Variants in TAF9B observed in about 807,000 individuals in gnomAD.
TAF9B encodes the protein transcription initiation factor TFIID subunit 9B.
A neutral mutation model predicts 17.6 loss-of-function variants in TAF9B; 47 were observed. The observed-to-expected ratio is 2.68, with a 90% confidence interval of 2.12 to 3.41. The LOEUF (loss-of-function observed/expected upper bound fraction) is 3.41. Ranked by LOEUF, TAF9B falls within the 30% of genes most tolerant of loss-of-function variation. The pLI is 0.00. For missense variants in TAF9B, 218 were observed against 189.3 expected (o/e 1.15, Z -0.89); for synonymous variants, 84 against 68.7 (o/e 1.22, Z -1.10).
intron 5 of TAF9B, among the ~76,000 whole-genome samples, chrX:78,134,991 C>T (rs1260802309): frequency 2.0e-5 from 2 of 101,803 alleles, no homozygotes; most frequent in Non-Finnish European, 4.0e-5. Flanking sequence ...CTTACTCTGT[C>T]GTCCAAGCTG....
chrX:78,136,483 A>G (rs969987344), intron 5 of TAF9B, among the ~76,000 whole-genome samples: 2 of 112,183 alleles, frequency 1.8e-5, no homozygotes, highest in Admixed American at 9.4e-5. Context: ...ATTAAAAACA[A>G]TTTTTTTCTT....
rs2078444163 is a variant in TAF9B, at chrX:78,138,710, G to A, written c.133+133C>T. On this transcript the variant is annotated intron_variant, in intron 2 of 6. Transcript: ENST00000341864. ...GCGGAGGCCGCAGTGAGCCAAGATC[G>A]CGCCACTGCCTTCTAGCCTGGGCAA... The A allele has an allele frequency of 1.3e-5, 7 of 523,836 alleles. 1 individual carries two copies. The highest frequency in any genetic ancestry group is 1.1e-4 in the South Asian group (4 of 36,996). The allele number at this position is 523,836 out of a possible 1,213,427, so 43.2% of individuals were successfully genotyped here.
intron 4 of TAF9B, 21 bp from the exon 5 acceptor site, chrX:78,137,011 A>ATT (rs2078436768): frequency 9.1e-7 from 1 of 1,100,787 alleles, no homozygotes; most frequent in African/African-American, 1.8e-5. Context: ...TAAAAAACAA[A>ATT]TTAATGTTAA....
Position 78,138,006 on chromosome X carries a change from G to A in TAF9B, c.226C>T (p.Gln76Ter). The A allele has an allele frequency of 1.7e-6, 2 of 1,210,147 alleles. No homozygotes were observed. The highest frequency in any genetic ancestry group is 1.8e-5 in the South Asian group (1 of 56,592). The change falls in exon 3 of 7, where the codon CAG (glutamine) becomes TAG (stop). Residue 76 changes from glutamine to a stop codon, truncating the protein, a stop_gained. Coordinates refer to ENST00000341864, the MANE Select transcript of TAF9B (RefSeq NM_015975.5). LOFTEE classifies it high-confidence loss of function. ...GTAAAAGATTGGTCAGCACGACACTGGATTGCCAGTCTCACATCATCTGCA... is the reference window on the plus strand; with the variant it reads ...GTAAAAGATTGGTCAGCACGACACTAGATTGCCAGTCTCACATCATCTGCA... ...VDADDVRLAI[Q>*]CRADQSFTSP...
intron 5 of TAF9B, among the ~76,000 whole-genome samples, chrX:78,136,521 T>C (rs1475522684): frequency 8.9e-6 from 1 of 112,374 alleles, no homozygotes; most frequent in Non-Finnish European, 1.9e-5. Flanking sequence ...TTGTACACCT[T>C]AATCTTCTTT....
intron 6 of TAF9B, 69 bp from the exon 7 acceptor site, chrX:78,131,842 A>C: frequency 2.0e-6 from 2 of 1,000,064 alleles, no homozygotes; most frequent in South Asian, 4.7e-5. Flanking sequence ...ACATATGATA[A>C]AAAGTATACA....
In TAF9B at chrX:78,138,089, G is replaced by T; in HGVS notation, c.143C>A (p.Thr48Asn). The change falls in exon 3 of 7, where the codon ACT (threonine) becomes AAT (asparagine). Residue 48 changes from threonine (T) to asparagine (N), a missense_variant. Thr to Asn is a moderately conservative substitution (Grantham distance 65). Transcript: ENST00000341864. ...AATTTTTGCATCATCCAGAATTGTA[G>T]TCACATAACCTATAAGAACAAAACA... The part of the protein sequence containing the change: ...QMLEFAFRYV[T>N]TILDDAKIYS... 8.3e-7 allele frequency: 1 copy of T among 1,201,334 alleles called. No homozygotes were observed. Among genetic ancestry groups the T allele is most frequent in the Non-Finnish European group, 1.1e-6 (1 of 891,491 alleles).
At chrX:78,134,122 A>T (rs991198342) in intron 5 of TAF9B, among the ~76,000 whole-genome samples, 2 of 111,564 alleles carry the variant, frequency 1.8e-5, no homozygotes, top group Non-Finnish European at 3.8e-5. Context: ...GAGATAACCT[A>T]GTCTAAACCC....
intron 5 of TAF9B, 93 bp from the exon 6 acceptor site, chrX:78,133,541 G>C: frequency 1.6e-6 from 1 of 615,042 alleles, no homozygotes; most frequent in Non-Finnish European, 2.6e-6. Flanking sequence ...TCAAAGCAAA[G>C]GAAACTAATA....
chrX:78,138,985 G>A (rs1354143213), intron 1 of TAF9B, 61 bp from the exon 2 acceptor site: 3 of 879,820 alleles, frequency 3.4e-6, no homozygotes, highest in Admixed American at 2.4e-5. Flanking sequence ...AGGCTGCACT[G>A]AAGGGTAGTA....
chrX:78,138,950 A>C (rs1040867137), intron 1 of TAF9B, 26 bp from the exon 2 acceptor site: 6 of 1,098,648 alleles, frequency 5.5e-6, no homozygotes, highest in Non-Finnish European at 7.5e-6. Flanking sequence ...AAAACACCAG[A>C]TGCAGAATTT....
At chrX:78,131,864 T>C in intron 6 of TAF9B, 91 bp from the exon 7 acceptor site, 1 of 862,369 alleles carries the variant, frequency 1.2e-6, no homozygotes, top group Non-Finnish European at 1.6e-6. Context: ...CAAAGCTGAA[T>C]GTAATTCTAA....
At chrX:78,131,794 C>T (rs1557249519) in intron 6 of TAF9B, 21 bp from the exon 7 acceptor site, 3 of 1,183,438 alleles carry the variant, frequency 2.5e-6, no homozygotes, top group Non-Finnish European at 2.3e-6. Flanking sequence ...AGAAGAAAGC[C>T]CCCCCAAAAC....
Position 78,131,543 on chromosome X carries a change from C to G in TAF9B, c.*67G>C. 1.0e-6 allele frequency: 1 copy of G among 966,749 alleles called. No homozygotes were observed. The allele number at this position is 966,749 out of a possible 1,213,427, so 79.7% of individuals were successfully genotyped here. On this transcript the variant is annotated 3_prime_UTR_variant, in exon 7 of 7. Coordinates refer to ENST00000341864, the MANE Select transcript of TAF9B (RefSeq NM_015975.5). The stretch of plus-strand genomic sequence containing the variant: ...AAGGTAAAACAAGATCTAGAATATT[C>G]TAGTTCAGTATACTGGGCTCAAAAC...
At chrX:78,137,235 C>A (rs797043086) in intron 4 of TAF9B, among the ~76,000 whole-genome samples, 1 of 111,945 alleles carries the variant, frequency 8.9e-6, no homozygotes, top group Non-Finnish European at 1.9e-5. Flanking sequence ...TTTAAGATAG[C>A]GGTTATCCCC....
In TAF9B at chrX:78,131,647, C is replaced by CA. The variant is rs1557249475; in HGVS notation, c.718_719insT (p.Arg240MetfsTer4). 2 of 1,210,764 alleles carry CA rather than the reference C, an allele frequency of 1.7e-6. No individual in the cohort carries two copies. The highest frequency in any genetic ancestry group is 2.2e-6 in the Non-Finnish European group (2 of 894,841). On this transcript the variant is annotated frameshift_variant, in exon 7 of 7. Coordinates refer to ENST00000341864, the MANE Select transcript of TAF9B (RefSeq NM_015975.5). LOFTEE classifies it high-confidence loss of function. Reference sequence around the variant, plus strand: ...ATTGTCATCATCATCTTCATGTTTTCTCTTCAGTGGGTTTGCTTCATTGGC... The same window carrying CA: ...ATTGTCATCATCATCTTCATGTTTTCATCTTCAGTGGGTTTGCTTCATTGGC...
In TAF9B at chrX:78,130,662, G is replaced by A. The variant is rs1390577768; in HGVS notation, c.*948C>T. On this transcript the variant is annotated 3_prime_UTR_variant, in exon 7 of 7. Coordinates refer to ENST00000341864, the MANE Select transcript of TAF9B (RefSeq NM_015975.5). ...TTCAGTGGTTTTGCCTAGGTCCAGTGTAATTACTTATCAAAACATGTTTTA... is the reference window on the plus strand; with the variant it reads ...TTCAGTGGTTTTGCCTAGGTCCAGTATAATTACTTATCAAAACATGTTTTA... 5.3e-5 allele frequency: 6 copies of A among 112,627 alleles called. No homozygotes were observed. The highest frequency in any genetic ancestry group is 7.5e-5 in the Non-Finnish European group (4 of 53,290). 9.3% of individuals were successfully genotyped at this position (112,627 alleles called of 1,213,427 possible).
intron 6 of TAF9B, among the ~76,000 whole-genome samples, chrX:78,132,710 A>C (rs140862731): frequency 4.0e-4 from 44 of 110,884 alleles, no homozygotes; most frequent in African/African-American, 1.3e-3. Flanking sequence ...GATTGCATAC[A>C]CATATTCATC....
At chrX:78,134,623 A>G (rs781896969) in intron 5 of TAF9B, among the ~76,000 whole-genome samples, 3 of 111,488 alleles carry the variant, frequency 2.7e-5, no homozygotes, top group African/African-American at 9.8e-5. Flanking sequence ...GCCCAAAGGT[A>G]CTGAGAAATC....
Sources: allele counts gnomAD v4.1 joint callset (sites outside exome capture counted in the v4.1 genomes callset), GRCh38; gene constraint gnomAD v4.1.1; transcripts MANE v1.5; gene names NCBI Gene and HGNC (gene_info 2026-07-23, HGNC 2026-07-21).